Variants in TSHZ2 observed in about 807,000 individuals in gnomAD.
TSHZ2 encodes teashirt zinc finger homeobox 2.
In TSHZ2, 21 loss-of-function variants were observed where a neutral mutation model predicts 74.4. The ratio of observed to expected loss-of-function variants is 0.28; its 90% CI spans 0.20 to 0.41. The LOEUF (loss-of-function observed/expected upper bound fraction) is 0.41, where lower values mean the gene tolerates loss of function less well. TSHZ2 is among the 10% of genes least tolerant of loss of function. TSHZ2 has a pLI of 1.00. For synonymous variants in TSHZ2, 540 were observed against 515.3 expected, an observed-to-expected ratio of 1.05 and a Z score of -0.65; for missense variants, 1,244 against 1,293.5, an observed-to-expected ratio of 0.96 and a Z score of 0.59.
At chr20:53,275,736 T>G (rs1395835765) in intron 2 of TSHZ2, among the ~76,000 whole-genome samples, 2 of 152,196 alleles carry the variant, frequency 1.3e-5, no homozygotes, top group African/African-American at 4.8e-5. Flanking sequence ...AAGACCAGTC[T>G]GACCAACATG....
intron 1 of TSHZ2, among the ~76,000 whole-genome samples, chr20:53,203,060 G>C (rs1169698841): frequency 1.3e-5 from 2 of 152,180 alleles, no homozygotes; most frequent in Non-Finnish European, 2.9e-5. Context: ...GTCAGATTCA[G>C]AGCTGTAGCT....
chr20:53,101,788 A>G (rs1311949229), intron 1 of TSHZ2, among the ~76,000 whole-genome samples: 1 of 152,222 alleles, frequency 6.6e-6, no homozygotes, highest in African/African-American at 2.4e-5. Flanking sequence ...GTTTTCCTGT[A>G]GAGGTCGTAT....
At position 53,074,463 on chromosome 20, in the gene TSHZ2, G is replaced by A. The variant is rs1985305172; in HGVS notation, c.40+101130G>A. Among the ~76,000 whole-genome samples, 1 of 152,160 alleles carries A rather than the reference G, an allele frequency of 6.6e-6. No homozygotes were observed. The highest frequency in any genetic ancestry group is 1.5e-5 in the Non-Finnish European group (1 of 68,028). On this transcript the variant is annotated intron_variant, in intron 1 of 2. Transcript: ENST00000371497. This position sits in a 1 kb window ranked among gnomAD's most constrained non-coding sequence, Gnocchi z 5.9. ...GAATGAGATGGATGCAGTACGAAGT[G>A]TAGAAATCCAACAAATGTGTAAAAG...
chr20:53,485,212 A>C, intron 2 of TSHZ2, among the ~76,000 whole-genome samples: 1 of 152,144 alleles, frequency 6.6e-6, no homozygotes, highest in East Asian at 1.9e-4. Flanking sequence ...TGAAACGCAA[A>C]GATGTTCATC....
At chr20:53,306,997 G>A (rs887621177) in intron 2 of TSHZ2, among the ~76,000 whole-genome samples, 15 of 152,200 alleles carry the variant, frequency 9.9e-5, no homozygotes, top group Non-Finnish European at 2.2e-4. Context: ...TATACATAGA[G>A]TGAGGAACCA....
intron 1 of TSHZ2, among the ~76,000 whole-genome samples, chr20:52,975,119 C>T (rs1023905907): frequency 6.6e-6 from 1 of 152,148 alleles, no homozygotes; most frequent in Non-Finnish European, 1.5e-5. Flanking sequence ...GAACAGTGAG[C>T]CTGCTGCATC....
intron 1 of TSHZ2, among the ~76,000 whole-genome samples, chr20:53,154,700 G>A (rs1282230970): frequency 1.3e-5 from 2 of 152,094 alleles, no homozygotes; most frequent in South Asian, 2.1e-4. Context: ...CACACTTCCC[G>A]TATGATTCTG....
At chr20:53,124,261 G>T (rs774430554) in intron 1 of TSHZ2, among the ~76,000 whole-genome samples, 2 of 152,182 alleles carry the variant, frequency 1.3e-5, no homozygotes, top group African/African-American at 4.8e-5. Context: ...TTTCCAATGG[G>T]TTTGAACCCC....
At chr20:53,485,388 G>A (rs1197031911) in intron 2 of TSHZ2, among the ~76,000 whole-genome samples, 2 of 152,086 alleles carry the variant, frequency 1.3e-5, no homozygotes, top group Non-Finnish European at 2.9e-5. Context: ...CATATAGTCA[G>A]CATATATAAC....
chr20:53,335,664 G>A lies in TSHZ2; in HGVS notation c.*8+79093G>A, dbSNP rs147611765. Among the ~76,000 whole-genome samples the A allele has an allele frequency of 6.5e-3, 992 of 152,358 alleles. 10 individuals are homozygous for A. Among genetic ancestry groups the A allele is most frequent in the Non-Finnish European group, 9.3e-3 (634 of 68,036 alleles). ...GAAATGTCTGTACTGAGGCTTTGGG[G>A]AAGGGTGAGAAGGGTGTTGAGGAAG... On this transcript the variant is annotated intron_variant, in intron 2 of 2. Coordinates refer to ENST00000371497, the MANE Select transcript of TSHZ2 (RefSeq NM_173485.6).
chr20:53,242,885 T>C (rs555316271), intron 1 of TSHZ2, among the ~76,000 whole-genome samples: 1 of 152,290 alleles, frequency 6.6e-6, no homozygotes, highest in African/African-American at 2.4e-5. Context: ...GTGGGCTGGG[T>C]ATAGCAATGG....
At chr20:53,437,804 C>T (rs1258989669) in intron 2 of TSHZ2, among the ~76,000 whole-genome samples, 4 of 152,186 alleles carry the variant, frequency 2.6e-5, no homozygotes, top group Non-Finnish European at 4.4e-5. Context: ...TTGGTTCACA[C>T]CACGGCTGAC....
At chr20:53,306,582 C>T (rs930708225) in intron 2 of TSHZ2, among the ~76,000 whole-genome samples, 7 of 151,534 alleles carry the variant, frequency 4.6e-5, no homozygotes, top group Admixed American at 1.3e-4. Flanking sequence ...TGAAACCTCG[C>T]GGAGGAAAAA....
chr20:53,046,329 A>G (rs1368268697), intron 1 of TSHZ2, among the ~76,000 whole-genome samples: 1 of 152,118 alleles, frequency 6.6e-6, no homozygotes, highest in East Asian at 1.9e-4. Flanking sequence ...CGCCGCCAAC[A>G]TCAGCCATCA....
At chr20:53,004,399 C>G (rs1246111630) in intron 1 of TSHZ2, among the ~76,000 whole-genome samples, 1 of 152,130 alleles carries the variant, frequency 6.6e-6, no homozygotes, top group African/African-American at 2.4e-5. Flanking sequence ...ATGGCCAAGA[C>G]GTAAGATGAT....
intron 2 of TSHZ2, among the ~76,000 whole-genome samples, chr20:53,385,230 A>G (rs890967646): frequency 6.6e-6 from 1 of 152,228 alleles, no homozygotes; most frequent in Non-Finnish European, 1.5e-5. Context: ...ATATAAAAAC[A>G]GGAGGCGGAA....
chr20:52,995,787 AT>A (rs11474850), intron 1 of TSHZ2, among the ~76,000 whole-genome samples: 63,318 of 142,448 alleles, frequency 0.44, 13,670 homozygotes, highest in Non-Finnish European at 0.48. Flanking sequence ...TAATTTTTGT[AT>A]TTTTTTTTTT....
At chr20:53,262,468 A>G (rs1264107261) in intron 2 of TSHZ2, among the ~76,000 whole-genome samples, 1 of 152,252 alleles carries the variant, frequency 6.6e-6, no homozygotes, top group East Asian at 1.9e-4. Context: ...TTACTGTCAT[A>G]GACTGCACAC....
intron 2 of TSHZ2, among the ~76,000 whole-genome samples, chr20:53,344,350 C>T (rs1449289721): frequency 6.6e-6 from 1 of 152,094 alleles, no homozygotes; most frequent in African/African-American, 2.4e-5. Flanking sequence ...TTGTTATTCC[C>T]ACATTACCAA....
Sources: gnomAD v4.1 joint callset for allele counts (sites outside exome capture counted in the v4.1 genomes callset) on GRCh38, gnomAD v4.1.1 for gene constraint, Gnocchi (gnomAD v3.1) non-coding constraint, MANE v1.5 for transcripts, NCBI Gene and HGNC (gene_info 2026-07-23, HGNC 2026-07-21) for gene names.